ADAM19: variants seen among roughly 807,000 people sequenced by gnomAD.
The protein encoded by ADAM19 is disintegrin and metalloproteinase domain-containing protein 19.
Under a neutral mutation model 114.7 loss-of-function variants are expected in ADAM19, and 65 were observed. The ratio of observed to expected loss-of-function variants is 0.57; its 90% CI spans 0.46 to 0.70. The LOEUF is 0.70. Ranked by LOEUF, ADAM19 falls within the 30% of genes least tolerant of loss-of-function variation. The pLI is 0.00. For missense variants in ADAM19, 1,063 were observed against 1,204.7 expected (o/e 0.88, Z 1.74); for synonymous variants, 466 against 460.5 (o/e 1.01, Z -0.15).
intron 3 of ADAM19, among the ~76,000 whole-genome samples, chr5:157,549,510 T>G (rs1056063091): frequency 6.6e-6 from 1 of 152,120 alleles, no homozygotes; most frequent in Admixed American, 6.5e-5. Context: ...TCATCTCATC[T>G]CCCTCCCTCA....
chr5:157,545,223 G>A (rs141489634), intron 3 of ADAM19, among the ~76,000 whole-genome samples: 113 of 152,324 alleles, frequency 7.4e-4, no homozygotes, highest in African/African-American at 2.6e-3. Flanking sequence ...AGCCCTCATA[G>A]ATCATAGTGG....
intron 7 of ADAM19, among the ~76,000 whole-genome samples, chr5:157,513,827 C>A (rs1756008233): frequency 6.6e-6 from 1 of 152,242 alleles, no homozygotes; most frequent in African/African-American, 2.4e-5. Context: ...CTCTGGCAAA[C>A]TCCCACTGGG....
chr5:157,494,887 A>G, intron 14 of ADAM19, 92 bp from the exon 15 acceptor site: 1 of 995,642 alleles, frequency 1.0e-6, no homozygotes, highest in Non-Finnish European at 1.5e-6. Context: ...AGGTAAGAAT[A>G]TTTTCTGGGA....
rs1219398799 is a variant in ADAM19 at position 157,524,684 on chromosome 5, T to C, written c.408-4653A>G. Among the ~76,000 whole-genome samples, 3 of 152,328 alleles carry C rather than the reference T, an allele frequency of 2.0e-5. No individual in the cohort carries two copies. In the East Asian group the frequency reaches 5.8e-4, roughly 29 times the overall value. On this transcript the variant is annotated intron_variant, in intron 5 of 22. Coordinates refer to ENST00000257527, the MANE Select transcript of ADAM19 (RefSeq NM_033274.5). ...TGCAAAAAAGAGAAGAGAAGGCTTG[T>C]AGGTCATGTACTTTCTCAAGGACAG...
Position 157,481,939 on chromosome 5 carries a change from A to T in ADAM19, c.2555T>A (p.Phe852Tyr). 1 of 1,599,778 alleles carries T rather than the reference A, an allele frequency of 6.3e-7. No individual in the cohort carries two copies. Among genetic ancestry groups the T allele is most frequent in the East Asian group, 2.2e-5 (1 of 44,620 alleles). ...PAPNCIVSQD[F>Y]SRPRPPQKAL... is the part of the protein sequence containing the mutation. The stretch of plus-strand genomic sequence containing the variant: ...CTTCTGGGGCGGCCGAGGCCTGGAG[A>T]AGTCCTGGAGAGAAAGCAATAAGCC... The change falls in exon 22 of 23, where the codon TTC (phenylalanine) becomes TAC (tyrosine). Residue 852 changes from phenylalanine (F) to tyrosine (Y), a missense_variant. Physicochemically the swap from Phe to Tyr is conservative, Grantham distance 22 (BLOSUM62 3). Coordinates refer to ENST00000257527, the MANE Select transcript of ADAM19 (RefSeq NM_033274.5).
At chr5:157,551,077 C>CAAAAATCA (rs1489471347) in intron 3 of ADAM19, among the ~76,000 whole-genome samples, 12 of 151,996 alleles carry the variant, frequency 7.9e-5, no homozygotes, top group Non-Finnish European at 1.6e-4. Flanking sequence ...TCATTGTATA[C>CAAAAATCA]AAAAATCAAA....
intron 3 of ADAM19, among the ~76,000 whole-genome samples, chr5:157,563,978 T>G (rs570102605): frequency 6.6e-6 from 1 of 152,298 alleles, no homozygotes; most frequent in Non-Finnish European, 1.5e-5. Context: ...ACACCCTGCT[T>G]TGCTCGCTCC....
At chr5:157,517,783 G>T (rs1334432984) in intron 7 of ADAM19, among the ~76,000 whole-genome samples, 1 of 152,186 alleles carries the variant, frequency 6.6e-6, no homozygotes, top group Non-Finnish European at 1.5e-5. Context: ...CCAGGTGAGG[G>T]TTCCTCAAAT....
chr5:157,481,446 T>G, intron 22 of ADAM19: 1 of 757,570 alleles, frequency 1.3e-6, no homozygotes, highest in Non-Finnish European at 2.1e-6. Flanking sequence ...TTCCTTGCTC[T>G]TCACAACAAC....
chr5:157,539,974 C>T lies in ADAM19; in HGVS notation c.252-1983G>A, dbSNP rs78677425. Among the ~76,000 whole-genome samples, 750 of 152,298 alleles carry T rather than the reference C, an allele frequency of 4.9e-3. 8 individuals are homozygous for T. Among genetic ancestry groups the T allele is most frequent in the African/African-American group, 0.017 (724 of 41,572 alleles). On this transcript the variant is annotated intron_variant, in intron 3 of 22. Transcript: ENST00000257527. ...AGACTGGAAAACTGAAGTTTTGATT[C>T]CAGCTCTGACATTCACTGCCTCTAC... is the stretch of plus-strand genomic sequence containing the variant.
chr5:157,499,483 G>T, intron 13 of ADAM19, 90 bp downstream of exon 13: 1 of 1,145,530 alleles, frequency 8.7e-7, no homozygotes, highest in Non-Finnish European at 1.3e-6. Flanking sequence ...CCAGGATGGA[G>T]GCAAATCCCC....
chr5:157,498,678 A>G (rs1476752641), intron 13 of ADAM19, among the ~76,000 whole-genome samples: 3 of 98,744 alleles, frequency 3.0e-5, no homozygotes, highest in Non-Finnish European at 4.2e-5. Context: ...ATAATTACAC[A>G]TGTGTGTATG....
chr5:157,565,957 A>T (rs1299580443), intron 2 of ADAM19: 1 of 151,602 alleles, frequency 6.6e-6, no homozygotes, highest in Non-Finnish European at 1.5e-5. Flanking sequence ...AAAAATATAA[A>T]AATTAGCTGG....
At chr5:157,497,488 A>T (rs1285790906) in intron 13 of ADAM19, among the ~76,000 whole-genome samples, 2 of 152,130 alleles carry the variant, frequency 1.3e-5, no homozygotes, top group Non-Finnish European at 2.9e-5. Context: ...CCTTCTGCAG[A>T]TGATAAAATC....
At chr5:157,512,089 A>T (rs766428623) in intron 8 of ADAM19, among the ~76,000 whole-genome samples, 2 of 152,182 alleles carry the variant, frequency 1.3e-5, no homozygotes, top group Non-Finnish European at 2.9e-5. Context: ...CCAGATGTCA[A>T]ATGTTTGGGT....
chr5:157,523,664 T>C (rs996141294), intron 5 of ADAM19, among the ~76,000 whole-genome samples: 2 of 152,242 alleles, frequency 1.3e-5, no homozygotes, highest in African/African-American at 4.8e-5. Flanking sequence ...ATGCTTCTTG[T>C]ATGGCTCGCA....
chr5:157,508,426 T>A (rs113653094), intron 9 of ADAM19, among the ~76,000 whole-genome samples: 10,394 of 152,166 alleles, frequency 0.068, 413 homozygotes, highest in Middle Eastern at 0.095. Context: ...TTGGCCAACA[T>A]GGCAAAATCC....
At chr5:157,543,152 G>T (rs57815709) in intron 3 of ADAM19, among the ~76,000 whole-genome samples, 2,164 of 152,134 alleles carry the variant, frequency 0.014, 43 homozygotes, top group African/African-American at 0.049. Context: ...ACACAAATAC[G>T]TCTTAGTTTC....
At chr5:157,500,010 C>G (rs1167305141) in intron 12 of ADAM19, among the ~76,000 whole-genome samples, 3 of 151,770 alleles carry the variant, frequency 2.0e-5, no homozygotes, top group Non-Finnish European at 4.4e-5. Flanking sequence ...AACTTCTGAC[C>G]TCAAGTGATC....
Sources: allele counts gnomAD v4.1 joint callset (sites outside exome capture counted in the v4.1 genomes callset), GRCh38; gene constraint gnomAD v4.1.1; transcripts MANE v1.5; gene names NCBI Gene and HGNC (gene_info 2026-07-23, HGNC 2026-07-21).